WWOX: variants seen among roughly 807,000 people sequenced by gnomAD.
WWOX encodes WW domain containing oxidoreductase.
A neutral mutation model predicts 46.2 loss-of-function variants in WWOX; 69 were observed. The observed-to-expected ratio is 1.49, with a 90% CI of 1.23 to 1.82. The LOEUF (loss-of-function observed/expected upper bound fraction) is 1.82. Ranked by LOEUF, WWOX falls within the 40% of genes most tolerant of loss-of-function variation. WWOX has a pLI of 0.00. For missense variants in WWOX, 919 were observed against 542.6 expected (o/e 1.69, Z -6.89); for synonymous variants, 359 against 202.6 (o/e 1.77, Z -6.56).
chr16:78,840,422 C>T (rs1363281510), intron 8 of WWOX, among the ~76,000 whole-genome samples: 1 of 152,282 alleles, frequency 6.6e-6, no homozygotes, highest in African/African-American at 2.4e-5. Context: ...ATGCAAAAGT[C>T]CTCTTGCCTC....
At chr16:78,652,334 G>A (rs562926563) in intron 8 of WWOX, among the ~76,000 whole-genome samples, 10 of 150,714 alleles carry the variant, frequency 6.6e-5, no homozygotes, top group East Asian at 5.9e-4. Context: ...ACTTGAACCC[G>A]GGAGGTGGAG....
intron 8 of WWOX, among the ~76,000 whole-genome samples, chr16:78,482,740 G>T (rs16947672): frequency 3.9e-5 from 6 of 152,092 alleles, no homozygotes; most frequent in Non-Finnish European, 7.3e-5. Flanking sequence ...ACTTATTGGC[G>T]CTAAGACTGT....
chr16:78,414,126 C>T lies in WWOX; in HGVS notation c.606-10744C>T, dbSNP rs1462782311. ...GTCTCAGGAGCTCCCCCACCGAGCA[C>T]CTTGTGACCCCCGCCCCTGCCTGCA... On this transcript the variant is annotated intron_variant, in intron 6 of 8. Coordinates refer to ENST00000566780, the MANE Select transcript of WWOX (RefSeq NM_016373.4). Among the ~76,000 whole-genome samples the T allele has an allele frequency of 2.6e-5, 4 of 151,874 alleles. No individual in the cohort carries two copies. In the South Asian group the frequency reaches 6.3e-4, roughly 24 times the overall value.
At chr16:79,101,045 G>GGACCCAGGACCCAA (rs2049182592) in intron 8 of WWOX, 1 of 153,068 alleles carries the variant, frequency 6.5e-6, no homozygotes, top group South Asian at 2.1e-4. Context: ...CCAGGACCCA[G>GGACCCAGGACCCAA]GACGAGAGTT....
chr16:79,045,133 G>T (rs528786006), intron 8 of WWOX, among the ~76,000 whole-genome samples: 5 of 152,094 alleles, frequency 3.3e-5, no homozygotes, highest in African/African-American at 4.8e-5. Flanking sequence ...TTATTCTTTC[G>T]TAAATTCTAT....
At chr16:78,724,220 C>G (rs975485956) in intron 8 of WWOX, among the ~76,000 whole-genome samples, 1 of 152,176 alleles carries the variant, frequency 6.6e-6, no homozygotes, top group Non-Finnish European at 1.5e-5. Flanking sequence ...GAGTACCTGT[C>G]ACAGGTTGAG....
chr16:78,484,314 A>C (rs1325922586), intron 8 of WWOX, among the ~76,000 whole-genome samples: 3 of 152,206 alleles, frequency 2.0e-5, no homozygotes, highest in Non-Finnish European at 4.4e-5. Context: ...TTTTCATCTA[A>C]GACCCTTTTG....
At chr16:78,604,284 T>C (rs1473308090) in intron 8 of WWOX, among the ~76,000 whole-genome samples, 2 of 152,224 alleles carry the variant, frequency 1.3e-5, no homozygotes, top group Admixed American at 1.3e-4. Flanking sequence ...ACCACACCAA[T>C]GCCTTCATGG....
chr16:78,782,531 G>T (rs888357357), intron 8 of WWOX, among the ~76,000 whole-genome samples: 3 of 152,158 alleles, frequency 2.0e-5, no homozygotes, highest in South Asian at 2.1e-4. Flanking sequence ...TTGAATTCAA[G>T]AGTGATGGAC....
chr16:79,149,849 G>C (rs1359380834), intron 8 of WWOX, among the ~76,000 whole-genome samples: 1 of 152,176 alleles, frequency 6.6e-6, no homozygotes, highest in African/African-American at 2.4e-5. Context: ...CCATCTTGCA[G>C]TATGGGTTTG....
chr16:78,106,235 A>G (rs1203553675), intron 1 of WWOX, among the ~76,000 whole-genome samples: 1 of 152,202 alleles, frequency 6.6e-6, no homozygotes, highest in Non-Finnish European at 1.5e-5. Context: ...TTCTTGAAGA[A>G]GCTTGAGACA....
intron 5 of WWOX, among the ~76,000 whole-genome samples, chr16:78,322,377 A>G (rs1201424090): frequency 6.6e-6 from 1 of 152,190 alleles, no homozygotes; most frequent in African/African-American, 2.4e-5. Flanking sequence ...TTCTTAAGGA[A>G]ATAGTATATG....
intron 8 of WWOX, among the ~76,000 whole-genome samples, chr16:78,476,227 A>G (rs1459319318): frequency 6.6e-6 from 1 of 152,212 alleles, no homozygotes; most frequent in Non-Finnish European, 1.5e-5. Flanking sequence ...ATGGCCAGTG[A>G]TGATGAGCAT....
chr16:78,862,632 G>A (rs1198169746), intron 8 of WWOX, among the ~76,000 whole-genome samples: 1 of 152,082 alleles, frequency 6.6e-6, no homozygotes, highest in African/African-American at 2.4e-5. Flanking sequence ...CAGCTGAGAA[G>A]CAGGAGATAA....
intron 8 of WWOX, among the ~76,000 whole-genome samples, chr16:78,663,576 T>G (rs935122309): frequency 3.3e-5 from 5 of 152,196 alleles, no homozygotes; most frequent in African/African-American, 1.2e-4. Flanking sequence ...AACATTCATA[T>G]ACAAGTTTTA....
chr16:78,609,344 A>G (rs1342553688), intron 8 of WWOX, among the ~76,000 whole-genome samples: 3 of 151,880 alleles, frequency 2.0e-5, no homozygotes, highest in Admixed American at 6.6e-5. Context: ...GCACTGATGT[A>G]TTTTATTTTC....
chr16:78,858,999 TTTAAAAAAAAA>T lies in WWOX; in HGVS notation c.1057-352608_1057-352598del, dbSNP rs1272851158. Among the ~76,000 whole-genome samples the T allele has an allele frequency of 5.5e-4, 4 of 7,276 alleles. 1 individual carries two copies. Among genetic ancestry groups the T allele is most frequent in the Non-Finnish European group, 8.1e-4 (3 of 3,710 alleles). The allele number at this position is 7,276 out of a possible 152,430, so 4.8% of individuals were successfully genotyped here. ...TGGCCAATATCTACTAGTTTTGAAA[TTTAAAAAAAAA>T]AAAAAAAAAAAAAAAAAATATATAT... is the stretch of plus-strand genomic sequence containing the variant. On this transcript the variant is annotated intron_variant, in intron 8 of 8. Coordinates refer to ENST00000566780, the MANE Select transcript of WWOX (RefSeq NM_016373.4).
chr16:78,441,561 G>A (rs2083445076), intron 8 of WWOX, among the ~76,000 whole-genome samples: 1 of 152,116 alleles, frequency 6.6e-6, no homozygotes, highest in Non-Finnish European at 1.5e-5. Context: ...TGTTTGGAGG[G>A]AATGAATGTA....
chr16:78,796,020 GGA>G (rs2050726932), intron 8 of WWOX, among the ~76,000 whole-genome samples: 2 of 152,068 alleles, frequency 1.3e-5, no homozygotes, highest in Non-Finnish European at 2.9e-5. Flanking sequence ...GACCCACTAA[GGA>G]AGTTTGTGGC....
Sources: gnomAD v4.1 joint callset for allele counts (sites outside exome capture counted in the v4.1 genomes callset) on GRCh38, gnomAD v4.1.1 for gene constraint, MANE v1.5 for transcripts, NCBI Gene and HGNC (gene_info 2026-07-23, HGNC 2026-07-21) for gene names.